Variants in HDAC9 observed in about 807,000 individuals in gnomAD.
The protein encoded by HDAC9 is histone deacetylase 9, also known as MEF-2 interacting transcription repressor (MITR) protein.
A neutral mutation model predicts 139.4 loss-of-function variants in HDAC9; 41 were observed. The observed-to-expected ratio is 0.29, with a 90% CI of 0.23 to 0.38. The LOEUF is 0.38. Ranked by LOEUF, HDAC9 falls within the 10% of genes least tolerant of loss-of-function variation. The pLI, the probability that HDAC9 is intolerant of heterozygous loss-of-function variation, is 1.00. For missense variants in HDAC9, 1,147 were observed against 1,297.0 expected, an observed-to-expected ratio of 0.88 and a Z score of 1.78; for synonymous variants, 517 against 476.2, an observed-to-expected ratio of 1.09 and a Z score of -1.12.
intron 19 of HDAC9, among the ~76,000 whole-genome samples, chr7:18,831,447 G>C (rs1278180899): frequency 1.3e-5 from 2 of 152,206 alleles, no homozygotes; most frequent in Non-Finnish European, 2.9e-5. Flanking sequence ...GGAGTTTCCT[G>C]TAAGCTTCCT....
At chr7:18,871,430 T>A (rs1041298204) in intron 21 of HDAC9, among the ~76,000 whole-genome samples, 9 of 152,190 alleles carry the variant, frequency 5.9e-5, no homozygotes, top group African/African-American at 1.9e-4. Context: ...CTGCTCCTTG[T>A]CACTGGGGTG....
intron 2 of HDAC9, among the ~76,000 whole-genome samples, chr7:18,256,316 A>G (rs990923754): frequency 1.3e-5 from 2 of 152,228 alleles, no homozygotes; most frequent in African/African-American, 4.8e-5. Flanking sequence ...TAATAATAAT[A>G]ATACTGCATA....
intron 22 of HDAC9, among the ~76,000 whole-genome samples, chr7:18,893,851 A>G (rs544655475): frequency 5.8e-4 from 88 of 152,288 alleles, no homozygotes; most frequent in African/African-American, 1.8e-3. Context: ...GCTGAAGGTG[A>G]TAAAGGAGCA....
intron 1 of HDAC9, among the ~76,000 whole-genome samples, chr7:18,134,689 C>T (rs1350565464): frequency 6.6e-6 from 1 of 152,150 alleles, no homozygotes; most frequent in Admixed American, 6.6e-5. Context: ...CCCTCATCTC[C>T]ATGCCCGTTC....
chr7:18,114,904 A>G (rs1783866138), intron 1 of HDAC9, among the ~76,000 whole-genome samples: 1 of 152,224 alleles, frequency 6.6e-6, no homozygotes, highest in African/African-American at 2.4e-5. Flanking sequence ...GCAGCTAAAA[A>G]ATATTAGAAA....
rs140895479 is a variant in HDAC9 at position 18,857,081 on chromosome 7, C to T, written c.2685-17397C>T. Reference sequence around the variant, plus strand: ...TCCCATATATGTCATGTTTCAACTTCATTTAAATTTTTATCTTTTTCTCTA... The same window carrying T: ...TCCCATATATGTCATGTTTCAACTTTATTTAAATTTTTATCTTTTTCTCTA... On this transcript the variant is annotated intron_variant, in intron 21 of 25. Coordinates refer to ENST00000686413, the MANE Select transcript of HDAC9 (RefSeq NM_178425.4). 2.0e-5 allele frequency among the ~76,000 whole-genome samples: 3 copies of T among 152,212 alleles called. No homozygotes were observed. In the East Asian group the frequency reaches 5.8e-4, roughly 29 times the overall value.
intron 2 of HDAC9, among the ~76,000 whole-genome samples, chr7:18,244,812 A>AAAT (rs55633844): frequency 0.72 from 106,084 of 147,790 alleles, 38,560 homozygotes; most frequent in South Asian, 0.85. Context: ...TCTGTCTCAA[A>AAAT]AATAATAATA....
At chr7:18,871,514 A>G (rs940766863) in intron 21 of HDAC9, among the ~76,000 whole-genome samples, 4 of 152,174 alleles carry the variant, frequency 2.6e-5, no homozygotes, top group African/African-American at 9.7e-5. Flanking sequence ...TATATTAAGA[A>G]CCATGAGTTC....
At chr7:18,427,076 A>G (rs528359422) in intron 1 of HDAC9, among the ~76,000 whole-genome samples, 2 of 152,300 alleles carry the variant, frequency 1.3e-5, no homozygotes, top group East Asian at 1.9e-4. Flanking sequence ...CCTTCATACA[A>G]TTAACTTCAT....
chr7:18,339,449 T>C (rs527592594), intron 1 of HDAC9, among the ~76,000 whole-genome samples: 1 of 151,520 alleles, frequency 6.6e-6, no homozygotes, highest in East Asian at 1.9e-4. Flanking sequence ...TCTGCAGATT[T>C]TGATATGTTT....
chr7:18,374,227 A>G (rs916861785), intron 1 of HDAC9, among the ~76,000 whole-genome samples: 17 of 151,552 alleles, frequency 1.1e-4, no homozygotes, highest in Admixed American at 9.2e-4. Context: ...ATACACACAC[A>G]CATATATAGG....
chr7:18,269,977 C>T (rs960959212), intron 2 of HDAC9, among the ~76,000 whole-genome samples: 6 of 152,070 alleles, frequency 3.9e-5, no homozygotes, highest in Admixed American at 6.6e-5. Flanking sequence ...CTCAGCACTA[C>T]TGATATATTG....
At chr7:18,797,940 G>T (rs1792950616) in intron 17 of HDAC9, among the ~76,000 whole-genome samples, 1 of 151,028 alleles carries the variant, frequency 6.6e-6, no homozygotes, top group South Asian at 2.1e-4. Flanking sequence ...TCCCCTAAAA[G>T]GTATATTATG....
chr7:18,612,648 A>G (rs556381408), intron 6 of HDAC9, among the ~76,000 whole-genome samples: 183 of 101,280 alleles, frequency 1.8e-3, no homozygotes, highest in Middle Eastern at 5.4e-3. Flanking sequence ...TTTCATAGGT[A>G]AGCATTGGAA....
At chr7:18,740,246 C>A (rs1051012795) in intron 13 of HDAC9, among the ~76,000 whole-genome samples, 2 of 152,214 alleles carry the variant, frequency 1.3e-5, no homozygotes, top group Non-Finnish European at 2.9e-5. Flanking sequence ...ATGCCCTGCC[C>A]TGCTTCAGCT....
chr7:18,876,044 G>A (rs928648978), intron 22 of HDAC9, among the ~76,000 whole-genome samples: 4 of 152,134 alleles, frequency 2.6e-5, no homozygotes, highest in Non-Finnish European at 4.4e-5. Context: ...AAGACTCTTC[G>A]TCAGAACTAG....
intron 2 of HDAC9, among the ~76,000 whole-genome samples, chr7:18,546,036 A>T (rs1814693363): frequency 6.6e-6 from 1 of 152,200 alleles, no homozygotes; most frequent in Non-Finnish European, 1.5e-5. Context: ...GCATATTGAC[A>T]AAACTGTGAT....
intron 24 of HDAC9, among the ~76,000 whole-genome samples, chr7:18,962,769 A>T (rs1004580085): frequency 6.6e-6 from 1 of 152,196 alleles, no homozygotes; most frequent in African/African-American, 2.4e-5. Flanking sequence ...TTGAGGGAAG[A>T]TCGTTTCCTA....
chr7:18,511,416 G>T (rs1801460170), intron 2 of HDAC9, among the ~76,000 whole-genome samples: 2 of 151,992 alleles, frequency 1.3e-5, no homozygotes, highest in Non-Finnish European at 2.9e-5. Context: ...CTCTATCTCA[G>T]TTCAGTCTTA....
Sources: allele counts gnomAD v4.1 joint callset (sites outside exome capture counted in the v4.1 genomes callset), GRCh38; gene constraint gnomAD v4.1.1; transcripts MANE v1.5; gene names NCBI Gene and HGNC (gene_info 2026-07-23, HGNC 2026-07-21).